RABGGTA: variants seen among roughly 807,000 people sequenced by gnomAD.
RABGGTA encodes geranylgeranyl transferase type-2 subunit alpha.
RABGGTA carries 69 observed loss-of-function variants against 83.3 expected under a neutral mutation model. The ratio of observed to expected loss-of-function variants is 0.83; its 90% confidence interval spans 0.68 to 1.01. The LOEUF is 1.01. Among genes scored for constraint, RABGGTA ranks in the 50% least tolerant of loss-of-function variants. The pLI is 0.00. For synonymous variants in RABGGTA, 310 were observed against 299.8 expected (o/e 1.03, Z -0.35); for missense variants, 681 against 712.7 (o/e 0.96, Z 0.51).
At position 24,267,742 on chromosome 14, in the gene RABGGTA, T is replaced by A. The variant is rs1300030625; in HGVS notation, c.1271A>T (p.Asp424Val). 6.2e-7 allele frequency: 1 copy of A among 1,612,090 alleles called. No individual in the cohort carries two copies. Among genetic ancestry groups the A allele is most frequent in the Non-Finnish European group, 8.5e-7 (1 of 1,179,826 alleles). ...CTCCAGCAAGAACTTGCTGCGCAGG[T>A]CATCCAGATACGTTGCCCGCATGGG... Reference protein sequence around the residue: ...VDPMRATYLDDLRSKFLLENS... With the variant: ...VDPMRATYLDVLRSKFLLENS... Residue 424 changes from aspartate (D) to valine (V), a missense_variant, in exon 14 of 17, where the codon GAC (aspartate) becomes GTC (valine). Transcript: ENST00000216840.
chr14:24,267,689 C>A lies in RABGGTA; in HGVS notation c.1324G>T (p.Glu442Ter). ...ENSVLKMEYA[E>*]VRVLHLAHKD... is the part of the protein sequence containing the mutation. ...TGAGCCAGGTGCAGCACACGCACCT[C>A]GGCATACTCCATCTTGAGCACGCTA... Residue 442 changes from glutamate (E) to a stop codon, truncating the protein, a stop_gained, in exon 14 of 17, where the codon GAG becomes TAG. Transcript: ENST00000216840. LOFTEE classifies it high-confidence loss of function. 1.2e-6 allele frequency: 2 copies of A among 1,611,818 alleles called. No individual in the cohort carries two copies. Among genetic ancestry groups the A allele is most frequent in the South Asian group, 2.2e-5 (2 of 90,954 alleles).
intron 11 of RABGGTA, 34 bp downstream of exon 11, chr14:24,268,335 C>A: frequency 6.2e-7 from 1 of 1,612,870 alleles, no homozygotes; most frequent in Non-Finnish European, 8.5e-7. Context: ...GAGTCCAGAG[C>A]CCCTCTCCTT....
In RABGGTA at chr14:24,269,629, C is replaced by T; in HGVS notation, c.493G>A (p.Ala165Thr). The T allele has an allele frequency of 1.2e-6, 2 of 1,613,982 alleles. No individual in the cohort carries two copies. Among genetic ancestry groups the T allele is most frequent in the Non-Finnish European group, 1.7e-6 (2 of 1,179,874 alleles). Reference sequence around the variant, plus strand: ...CGGGTGATGAGGCTGTCAGTGAAGGCTAGCTCTTCTGCAGGGGGCACGGCT... The same window carrying T: ...CGGGTGATGAGGCTGTCAGTGAAGGTTAGCTCTTCTGCAGGGGGCACGGCT... Reference protein sequence around the residue: ...QAAVPPAEELAFTDSLITRNF... With the variant: ...QAAVPPAEELTFTDSLITRNF... The change falls in exon 6 of 17, where the codon GCC (alanine) becomes ACC (threonine). Residue 165 changes from alanine to threonine, a missense_variant. Physicochemically the swap from Ala to Thr is moderately conservative, Grantham distance 58. Coordinates refer to ENST00000216840, the MANE Select transcript of RABGGTA (RefSeq NM_182836.3).
chr14:24,268,267 T>C, intron 11 of RABGGTA, 69 bp from the exon 12 acceptor site: 1 of 1,607,120 alleles, frequency 6.2e-7, no homozygotes, highest in East Asian at 2.2e-5. Context: ...ATTCCCAGTA[T>C]CTAGACTGAA....
intron 6 of RABGGTA, 66 bp from the exon 7 acceptor site, chr14:24,269,229 C>A (rs1247172232): frequency 1.4e-6 from 2 of 1,422,500 alleles, no homozygotes; most frequent in South Asian, 1.2e-5. Context: ...CACTCCAACA[C>A]CCTACCCTCT....
Position 24,268,138 on chromosome 14 carries a change from C to A in RABGGTA, c.1119G>T (p.Glu373Asp), listed in dbSNP as rs1404195946. ...VLQSELESCKELQELEPENKW... is the reference protein window; with the variant it reads ...VLQSELESCKDLQELEPENKW... The stretch of plus-strand genomic sequence containing the variant: ...TATTCTCAGGCTCCAGCTCCTGCAG[C>A]TCCTTACAGGATTCCAGCTCAGACT... Residue 373 changes from glutamate to aspartate, a missense_variant, in exon 12 of 17, where the codon GAG (glutamate) becomes GAT (aspartate). Transcript: ENST00000216840. The A allele has an allele frequency of 3.1e-6, 5 of 1,613,840 alleles. No individual in the cohort carries two copies. The South Asian group carries it at 3.3e-5, about 11-fold the overall frequency.
In RABGGTA at chr14:24,268,393, G is replaced by T; in HGVS notation, c.1034C>A (p.Ser345Tyr). The T allele has an allele frequency of 1.2e-6, 2 of 1,613,480 alleles. No individual in the cohort carries two copies. Among genetic ancestry groups the T allele is most frequent in the Non-Finnish European group, 1.7e-6 (2 of 1,179,898 alleles). The change falls in exon 11 of 17, where the codon TCC becomes TAC. Residue 345 changes from serine (S) to tyrosine (Y), a missense_variant. Ser to Tyr is a moderately radical substitution (Grantham distance 144). Transcript: ENST00000216840. ...CCTGAATAGCTGCTCGTCTGTCGTG[G>T]AGTCCCGGCACCAGCCCTCCTGGCG... ...KGRQEGWCRD[S>Y]TTDEQLFRCE...
Position 24,268,136 on chromosome 14 carries a change from A to C in RABGGTA, c.1121T>G (p.Leu374Arg). 1.2e-6 allele frequency: 2 copies of C among 1,607,156 alleles called. No individual in the cohort carries two copies. Among genetic ancestry groups the C allele is most frequent in the Non-Finnish European group, 1.7e-6 (2 of 1,176,026 alleles). ...TTTATTCTCAGGCTCCAGCTCCTGC[A>C]GCTCCTTACAGGATTCCAGCTCAGA... ...LQSELESCKELQELEPENKWC... is the reference protein window; with the variant it reads ...LQSELESCKERQELEPENKWC... The change falls in exon 12 of 17, where the codon CTG becomes CGG. Residue 374 changes from leucine to arginine, a missense_variant. Leu to Arg is a moderately radical substitution (Grantham distance 102). This residue lies in a region of RABGGTA where 421 missense variants were observed against 418.5 expected (regional missense o/e 1.01). Coordinates refer to ENST00000216840, the MANE Select transcript of RABGGTA (RefSeq NM_182836.3).
intron 11 of RABGGTA, 51 bp from the exon 12 acceptor site, chr14:24,268,249 T>A: frequency 6.2e-7 from 1 of 1,607,750 alleles, no homozygotes; most frequent in Admixed American, 1.7e-5. Context: ...CCTGAAGCAC[T>A]GGTCAACATT....
In RABGGTA at chr14:24,270,128, C is replaced by G; in HGVS notation, c.252G>C (p.Glu84Asp). 1 of 1,606,440 alleles carries G rather than the reference C, an allele frequency of 6.2e-7. No individual in the cohort carries two copies. The highest frequency in any genetic ancestry group is 1.1e-5 in the South Asian group (1 of 89,872). Residue 84 changes from glutamate (E) to aspartate (D), a missense_variant, in exon 5 of 17, where the codon GAG becomes GAC. Physicochemically the swap from Glu to Asp is conservative, Grantham distance 45. Transcript: ENST00000216840. ...QQLETQKSPE[E>D]LAALVKAELG... ...GTTCTGCCTTCACCAGAGCAGCCAA[C>G]TCTTCAGGAGACCTGTACCCAGAAG... is the stretch of plus-strand genomic sequence containing the variant.
Position 24,267,702 on chromosome 14 carries a change from C to G in RABGGTA, c.1311G>C (p.Lys437Asn). The G allele has an allele frequency of 1.2e-6, 2 of 1,612,000 alleles. No individual in the cohort carries two copies. The highest frequency in any genetic ancestry group is 1.7e-6 in the Non-Finnish European group (2 of 1,179,834). ...GCACACGCACCTCGGCATACTCCAT[C>G]TTGAGCACGCTATTCTCCAGCAAGA... ...SKFLLENSVLKMEYAEVRVLH... is the reference protein window; with the variant it reads ...SKFLLENSVLNMEYAEVRVLH... Residue 437 changes from lysine to asparagine, a missense_variant, in exon 14 of 17, where the codon AAG becomes AAC. Coordinates refer to ENST00000216840, the MANE Select transcript of RABGGTA (RefSeq NM_182836.3).
In RABGGTA at chr14:24,269,156, C is replaced by T; in HGVS notation, c.639G>A (p.Glu213=). Residue 213 remains glutamate (E), a synonymous_variant, in exon 7 of 17, where the codon GAG becomes GAA. Transcript: ENST00000216840. The part of the protein sequence containing the change: ...LPEDVLLKEL[E]LVQNAFFTDP... Reference sequence around the variant, plus strand: ...CAGTGAAGAAGGCATTCTGCACCAGCTCCAGCTCTGTGGGGTTCCAGGAGG... The same window carrying T: ...CAGTGAAGAAGGCATTCTGCACCAGTTCCAGCTCTGTGGGGTTCCAGGAGG... 1 of 1,610,796 alleles carries T rather than the reference C, an allele frequency of 6.2e-7. No homozygotes were observed. Among genetic ancestry groups the T allele is most frequent in the Non-Finnish European group, 8.5e-7 (1 of 1,178,406 alleles).
chr14:24,266,949 T>A (rs900259727), intron 14 of RABGGTA, 60 bp from the exon 15 acceptor site: 9 of 1,317,530 alleles, frequency 6.8e-6, no homozygotes, highest in African/African-American at 1.5e-5. Context: ...GAGAGGGTCC[T>A]CGGCCAGCAT....
Position 24,271,121 on chromosome 14 carries a change from C to T in RABGGTA, c.-6G>A, listed in dbSNP as rs929706615. ...GGGCTCAGGGTTCTCACCATGGTGC[C>T]GGCTCAGGGTTCAAGACAGGGGAAG... On this transcript the variant is annotated 5_prime_UTR_variant, in exon 2 of 17. Coordinates refer to ENST00000216840, the MANE Select transcript of RABGGTA (RefSeq NM_182836.3). The T allele has an allele frequency of 3.9e-6, 6 of 1,545,590 alleles. No individual in the cohort carries two copies. Among genetic ancestry groups the T allele is most frequent in the Non-Finnish European group, 5.2e-6 (6 of 1,146,476 alleles).
In RABGGTA at chr14:24,268,958, T is replaced by C; in HGVS notation, c.751A>G (p.Ser251Gly). 1.3e-6 allele frequency: 2 copies of C among 1,588,868 alleles called. No homozygotes were observed. Among genetic ancestry groups the C allele is most frequent in the Non-Finnish European group, 8.6e-7 (1 of 1,166,706 alleles). The change falls in exon 8 of 17, where the codon AGC becomes GGC. Residue 251 changes from serine (S) to glycine (G), a missense_variant. Ser to Gly is a moderately conservative substitution (Grantham distance 56). Around this residue, in one of 5 missense-constraint regions of RABGGTA, gnomAD observed 421 missense variants for 418.5 expected, o/e 1.01. Coordinates refer to ENST00000216840, the MANE Select transcript of RABGGTA (RefSeq NM_182836.3). ...ACAGTCAGACAGGCCTCGTCCCGGCTCACATGCAGGCAGCGCAGTGCATCC... is the reference window on the plus strand; with the variant it reads ...ACAGTCAGACAGGCCTCGTCCCGGCCCACATGCAGGCAGCGCAGTGCATCC... ...PQDALRCLHV[S>G]RDEACLTVSF...
At position 24,268,946 on chromosome 14, in the gene RABGGTA, C is replaced by A. The variant is rs2040908639; in HGVS notation, c.763G>T (p.Ala255Ser). 3 of 1,587,858 alleles carry A rather than the reference C, an allele frequency of 1.9e-6. No homozygotes were observed. The highest frequency in any genetic ancestry group is 1.3e-5 in the African/African-American group (1 of 74,444). ...CGAGAGAAGGAGACAGTCAGACAGG[C>A]CTCGTCCCGGCTCACATGCAGGCAG... ...LRCLHVSRDE[A>S]CLTVSFSRPL... Residue 255 changes from alanine (A) to serine (S), a missense_variant, in exon 8 of 17, where the codon GCC (alanine) becomes TCC (serine). Around this residue, in one of 5 missense-constraint regions of RABGGTA, gnomAD observed 421 missense variants for 418.5 expected, o/e 1.01. Coordinates refer to ENST00000216840, the MANE Select transcript of RABGGTA (RefSeq NM_182836.3).
chr14:24,269,069 T>G lies in RABGGTA; in HGVS notation c.715+11A>C, dbSNP rs1477402161. 1 of 1,602,272 alleles carries G rather than the reference T, an allele frequency of 6.2e-7. No homozygotes were observed. Among genetic ancestry groups the G allele is most frequent in the East Asian group, 2.2e-5 (1 of 44,544 alleles). ...AGCGCTAAACACCCAGCCCCTTTCCTCATTGCTCACCTCGGCCTAGGAGCC... is the reference window on the plus strand; with the variant it reads ...AGCGCTAAACACCCAGCCCCTTTCCGCATTGCTCACCTCGGCCTAGGAGCC... On this transcript the variant is annotated intron_variant, in intron 7 of 16. Coordinates refer to ENST00000216840, the MANE Select transcript of RABGGTA (RefSeq NM_182836.3).
intron 2 of RABGGTA, 41 bp downstream of exon 2, chr14:24,271,072 G>A (rs1457707750): frequency 2.8e-5 from 44 of 1,568,052 alleles, no homozygotes; most frequent in Non-Finnish European, 3.8e-5. Flanking sequence ...GGGTGAGGGC[G>A]CGGGCCTGCG....
chr14:24,268,586 G>A lies in RABGGTA; in HGVS notation c.934C>T (p.Gln312Ter), dbSNP rs1416625623. 1 of 1,614,038 alleles carries A rather than the reference G, an allele frequency of 6.2e-7. No homozygotes were observed. The highest frequency in any genetic ancestry group is 2.2e-5 in the East Asian group (1 of 44,886). ...ACGCGAAATGTATGTTGGGGCAACTGGTCGTTGAGGGAGGCAGCAGGCAGG... is the reference window on the plus strand; with the variant it reads ...ACGCGAAATGTATGTTGGGGCAACTAGTCGTTGAGGGAGGCAGCAGGCAGG... ...CDLPAASLND[Q>*]LPQHTFRVIW... Residue 312 changes from glutamine to a stop codon, truncating the protein, a stop_gained, in exon 10 of 17, where the codon CAG becomes TAG. Coordinates refer to ENST00000216840, the MANE Select transcript of RABGGTA (RefSeq NM_182836.3). LOFTEE classifies it high-confidence loss of function.
Sources: allele counts gnomAD v4.1 joint callset, GRCh38; gene constraint gnomAD v4.1.1; regional missense constraint gnomAD v4.1.1; transcripts MANE v1.5; gene names NCBI Gene and HGNC (gene_info 2026-07-23, HGNC 2026-07-21).